AP2A2: variants seen among roughly 807,000 people sequenced by gnomAD.
The protein encoded by AP2A2 is AP-2 complex subunit alpha-2.
AP2A2 carries 32 observed loss-of-function variants against 104.2 expected under a neutral mutation model. The observed-to-expected ratio is 0.31, with a 90% CI of 0.23 to 0.41. The LOEUF (loss-of-function observed/expected upper bound fraction) is 0.41, where lower values mean the gene tolerates loss of function less well. AP2A2 is among the 10% of genes least tolerant of loss of function. The probability of loss-of-function intolerance (pLI) is 1.00; values close to 1 mark genes in which losing one functional copy is unlikely to be tolerated. For missense variants in AP2A2, 912 were observed against 1,261.0 expected (o/e 0.72, Z 4.19); for synonymous variants, 539 against 533.3 (o/e 1.01, Z -0.15).
chr11:1,006,212 T>G (rs1856199394), intron 16 of AP2A2, among the ~76,000 whole-genome samples: 1 of 152,130 alleles, frequency 6.6e-6, no homozygotes, highest in South Asian at 2.1e-4. Flanking sequence ...AGACGGGGCG[T>G]TCTGTGGGTC....
chr11:997,633 G>A (rs912089893), intron 14 of AP2A2, among the ~76,000 whole-genome samples: 2 of 152,228 alleles, frequency 1.3e-5, no homozygotes, highest in Non-Finnish European at 2.9e-5. Context: ...GGCTGGGCAT[G>A]GTGGCTCACA....
chr11:1,009,447 G>A (rs760360794), intron 20 of AP2A2, 50 bp downstream of exon 20: 24 of 1,540,504 alleles, frequency 1.6e-5, no homozygotes, highest in Admixed American at 5.2e-5. Context: ...CCGTGACCCC[G>A]CGCCAGGGTC....
In AP2A2 at chr11:993,672, G is replaced by A. The variant is rs1855740280; in HGVS notation, c.1551-82G>A. ...CCTCTGGTGCAGGCCAGGGGGTCTC[G>A]CCGCCGTCCCCCCCCCGCGGGGGCG... On this transcript the variant is annotated intron_variant, in intron 12 of 21. Coordinates refer to ENST00000448903, the MANE Select transcript of AP2A2 (RefSeq NM_012305.4). This position sits in a 1 kb window ranked among gnomAD's most constrained non-coding sequence, Gnocchi z 8.2. The A allele has an allele frequency of 7.1e-6, 8 of 1,123,984 alleles. No individual in the cohort carries two copies. The highest frequency in any genetic ancestry group is 4.3e-5 in the Admixed American group (2 of 47,044). The allele number at this position is 1,123,984 out of a possible 1,614,324, so 69.6% of individuals were successfully genotyped here.
intron 9 of AP2A2, 92 bp from the exon 10 acceptor site, chr11:988,460 G>A: frequency 2.7e-6 from 4 of 1,476,660 alleles, no homozygotes; most frequent in Non-Finnish European, 2.8e-6. Flanking sequence ...CTCAGAGTGG[G>A]TGTTGAGATG....
At chr11:1,005,342 G>T (rs1055653223) in intron 16 of AP2A2, among the ~76,000 whole-genome samples, 4 of 152,372 alleles carry the variant, frequency 2.6e-5, no homozygotes, top group Admixed American at 6.5e-5. Flanking sequence ...AGGCCAGGGG[G>T]ATGGGGAATT....
At position 994,192 on chromosome 11, in the gene AP2A2, A is replaced by C. The variant is rs1224527508; in HGVS notation, c.1903A>C (p.Ser635Arg). 1 of 1,612,798 alleles carries C rather than the reference A, an allele frequency of 6.2e-7. No individual in the cohort carries two copies. Among genetic ancestry groups the C allele is most frequent in the Non-Finnish European group, 8.5e-7 (1 of 1,179,850 alleles). ...CCTGGAGGACACCAAGCGGGACAGG[A>C]GTGTGGACGTGAACGGGGGTCCTGA... The part of the protein sequence containing the change: ...TDLEDTKRDR[S>R]VDVNGGPEPA... The change falls in exon 14 of 22, where the codon AGT (serine) becomes CGT (arginine). Residue 635 changes from serine (S) to arginine (R), a missense_variant. Physicochemically the swap from Ser to Arg is moderately radical, Grantham distance 110. Coordinates refer to ENST00000448903, the MANE Select transcript of AP2A2 (RefSeq NM_012305.4).
intron 20 of AP2A2, 105 bp downstream of exon 20, chr11:1,009,502 A>C: frequency 7.4e-7 from 1 of 1,343,724 alleles, no homozygotes; most frequent in Non-Finnish European, 1.0e-6. Flanking sequence ...ACCCCGCGCC[A>C]GGGTCTGGAG....
chr11:987,015 A>G, intron 9 of AP2A2, 62 bp downstream of exon 9: 4 of 1,522,916 alleles, frequency 2.6e-6, no homozygotes, highest in Middle Eastern at 1.7e-4. Flanking sequence ...TCTTCCTGTG[A>G]AGGCTGGGGG....
At chr11:947,051 C>T (rs868572188) in intron 1 of AP2A2, 84 of 148,166 alleles carry the variant, frequency 5.7e-4, no homozygotes, top group African/African-American at 2.0e-3. Flanking sequence ...CCTCTGTCGC[C>T]AAGGCTAGAG....
At chr11:998,097 G>A (rs944434802) in intron 14 of AP2A2, among the ~76,000 whole-genome samples, 6 of 152,222 alleles carry the variant, frequency 3.9e-5, no homozygotes, top group African/African-American at 7.2e-5. Flanking sequence ...CAGTGTTGGC[G>A]GGCGCTGTCC....
chr11:961,523 C>A (rs1854436190), intron 2 of AP2A2, among the ~76,000 whole-genome samples: 1 of 149,472 alleles, frequency 6.7e-6, no homozygotes, highest in Non-Finnish European at 1.5e-5. Flanking sequence ...ACAGTCGCCA[C>A]CACCAGTGAA....
chr11:947,798 AC>A (rs1213303495), intron 1 of AP2A2, among the ~76,000 whole-genome samples: 1 of 109,524 alleles, frequency 9.1e-6, no homozygotes, highest in Non-Finnish European at 2.1e-5. Flanking sequence ...CCCCGTCTCT[AC>A]AAAAAAAAAT....
In AP2A2 at chr11:1,011,327, C is replaced by T; in HGVS notation, c.*702C>T. 2 of 518,582 alleles carry T rather than the reference C, an allele frequency of 3.9e-6. No homozygotes were observed. Among genetic ancestry groups the T allele is most frequent in the Non-Finnish European group, 7.7e-6 (2 of 259,744 alleles). 32.1% of individuals were successfully genotyped at this position (518,582 alleles called of 1,614,324 possible). On this transcript the variant is annotated 3_prime_UTR_variant, in exon 22 of 22. Coordinates refer to ENST00000448903, the MANE Select transcript of AP2A2 (RefSeq NM_012305.4). ...GCCAGGGGAGGAGCGTCCTGCCGGC[C>T]CCGCAGGGCCCCCAGGACTCCAGGG...
intron 5 of AP2A2, among the ~76,000 whole-genome samples, chr11:977,856 G>T (rs74047246): frequency 8.5e-5 from 13 of 152,228 alleles, no homozygotes; most frequent in African/African-American, 3.1e-4. Flanking sequence ...CTGCTGCGTG[G>T]AGAGGCATGT....
chr11:946,819 A>G (rs940301828), intron 1 of AP2A2: 3 of 151,762 alleles, frequency 2.0e-5, no homozygotes, highest in African/African-American at 7.3e-5. Flanking sequence ...AACAGAGGAC[A>G]TTTGTTGTTT....
intron 5 of AP2A2, among the ~76,000 whole-genome samples, chr11:979,554 C>T (rs911824377): frequency 6.6e-6 from 1 of 152,072 alleles, no homozygotes; most frequent in Admixed American, 6.6e-5. Flanking sequence ...GGGATTGCAT[C>T]AGTCATTCAA....
intron 1 of AP2A2, among the ~76,000 whole-genome samples, chr11:947,879 C>A (rs1853905793): frequency 6.6e-6 from 1 of 152,070 alleles, no homozygotes; most frequent in African/African-American, 2.4e-5. Flanking sequence ...GATTGTTTAG[C>A]CTGGGAGTTT....
intron 1 of AP2A2, among the ~76,000 whole-genome samples, chr11:927,345 G>A (rs950359746): frequency 2.0e-5 from 3 of 152,080 alleles, no homozygotes; most frequent in African/African-American, 2.4e-5. Context: ...GGTTACTGGC[G>A]TGAGCCACGG....
At chr11:939,599 A>G (rs1167902354) in intron 1 of AP2A2, among the ~76,000 whole-genome samples, 2 of 150,812 alleles carry the variant, frequency 1.3e-5, no homozygotes, top group Non-Finnish European at 3.0e-5. Context: ...AGCCTGCCAC[A>G]CTCCCGGCTA....
Sources: allele counts gnomAD v4.1 joint callset (sites outside exome capture counted in the v4.1 genomes callset), GRCh38; gene constraint gnomAD v4.1.1; non-coding constraint Gnocchi (gnomAD v3.1); transcripts MANE v1.5; gene names NCBI Gene and HGNC (gene_info 2026-07-23, HGNC 2026-07-21).